TRPM2: variants seen among roughly 807,000 people sequenced by gnomAD.
TRPM2 encodes transient receptor potential cation channel subfamily M member 2.
In TRPM2, 161 loss-of-function variants were observed where a neutral mutation model predicts 174.0. The observed-to-expected ratio is 0.93, with a 90% confidence interval of 0.81 to 1.05. TRPM2 has a LOEUF of 1.05. Among genes scored for constraint, TRPM2 ranks in the 50% least tolerant of loss-of-function variants. The probability of loss-of-function intolerance (pLI) is 0.00; values close to 1 mark genes in which losing one functional copy is unlikely to be tolerated. For synonymous variants in TRPM2, 954 were observed against 861.3 expected (o/e 1.11, Z -1.88); for missense variants, 2,057 against 2,038.0 (o/e 1.01, Z -0.18).
At position 44,391,669 on chromosome 21, in the gene TRPM2, G is replaced by T. The variant is rs758745113; in HGVS notation, c.1794+44G>T. On this transcript the variant is annotated intron_variant, in intron 11 of 31. Coordinates refer to ENST00000397928, the MANE Select transcript of TRPM2 (RefSeq NM_003307.4). The surrounding 1 kb of genome is among the most constrained non-coding windows in gnomAD (Gnocchi z 5.0). ...GCCCATCCTGGACTCGTCTTCGCGG[G>T]CTACTGCTATGTTCTTAGAGCTCTC... is the stretch of plus-strand genomic sequence containing the variant. The T allele has an allele frequency of 6.8e-7, 1 of 1,476,942 alleles. No homozygotes were observed. Among genetic ancestry groups the T allele is most frequent in the Admixed American group, 2.2e-5 (1 of 46,164 alleles). 91.5% of individuals were successfully genotyped at this position (1,476,942 alleles called of 1,614,324 possible).
intron 23 of TRPM2, 146 bp from the exon 24 acceptor site, chr21:44,424,706 C>G (rs889460664): frequency 5.7e-6 from 3 of 527,772 alleles, no homozygotes; most frequent in Non-Finnish European, 6.5e-6. Flanking sequence ...CTGGGGAGGA[C>G]GTGGTGTCTC....
chr21:44,407,014 C>T (rs1047467829), intron 19 of TRPM2, among the ~76,000 whole-genome samples: 42 of 149,784 alleles, frequency 2.8e-4, no homozygotes, highest in African/African-American at 1.0e-3. Context: ...TCAGAGTGGG[C>T]CGAGGGCACC....
At chr21:44,380,104 G>T (rs967714375) in intron 8 of TRPM2, among the ~76,000 whole-genome samples, 1 of 152,208 alleles carries the variant, frequency 6.6e-6, no homozygotes, top group Non-Finnish European at 1.5e-5. Flanking sequence ...AGGAACCACG[G>T]GTGTCGGAAG....
In TRPM2 at chr21:44,399,490, A is replaced by G; in HGVS notation, c.2208+49A>G. On this transcript the variant is annotated intron_variant, in intron 14 of 31. Coordinates refer to ENST00000397928, the MANE Select transcript of TRPM2 (RefSeq NM_003307.4). This position sits in a 1 kb window ranked among gnomAD's most constrained non-coding sequence, Gnocchi z 4.6. ...AGAAACAGACGCCTGTGGTGCCTGCAGGGCGGACACAGCCTCCTGTTCGTG... is the reference window on the plus strand; with the variant it reads ...AGAAACAGACGCCTGTGGTGCCTGCGGGGCGGACACAGCCTCCTGTTCGTG... The G allele has an allele frequency of 6.3e-7, 1 of 1,576,232 alleles. No homozygotes were observed. Among genetic ancestry groups the G allele is most frequent in the Non-Finnish European group, 8.6e-7 (1 of 1,160,370 alleles).
intron 13 of TRPM2, among the ~76,000 whole-genome samples, chr21:44,398,430 A>T (rs1176850111): frequency 6.6e-6 from 1 of 151,942 alleles, no homozygotes; most frequent in Non-Finnish European, 1.5e-5. Flanking sequence ...CAAACTCCTA[A>T]CCTCAGATGA....
In TRPM2 at chr21:44,418,536, A is replaced by G; in HGVS notation, c.3442A>G (p.Ile1148Val). Residue 1148 changes from isoleucine to valine, a missense_variant, in exon 22 of 32, where the codon ATC becomes GTC. Physicochemically the swap from Ile to Val is conservative, Grantham distance 29 (BLOSUM62 3). Transcript: ENST00000397928. ...GCAAAAGCAGCGGCCCGAGCAGAAG[A>G]TCGAGGACATCAGCAATAAGTATGG... ...FQQKQRPEQKIEDISNKVDAM... is the reference protein window; with the variant it reads ...FQQKQRPEQKVEDISNKVDAM... 6.2e-7 allele frequency: 1 copy of G among 1,614,078 alleles called. No homozygotes were observed. The highest frequency in any genetic ancestry group is 1.1e-5 in the South Asian group (1 of 91,088).
chr21:44,378,548 T>C (rs1007899885), intron 7 of TRPM2, among the ~76,000 whole-genome samples: 3 of 152,176 alleles, frequency 2.0e-5, no homozygotes, highest in Admixed American at 2.0e-4. Flanking sequence ...CCCAGGCCGA[T>C]GCTCATGCAC....
chr21:44,395,502 G>A lies in TRPM2; in HGVS notation c.1883G>A (p.Trp628Ter), dbSNP rs781312071. The A allele has an allele frequency of 6.2e-7, 1 of 1,613,098 alleles. No homozygotes were observed. Among genetic ancestry groups the A allele is most frequent in the Admixed American group, 1.7e-5 (1 of 60,008 alleles). Residue 628 changes from tryptophan (W) to a stop codon, truncating the protein, a stop_gained, in exon 12 of 32, where the codon TGG (tryptophan) becomes TAG (stop). Coordinates refer to ENST00000397928, the MANE Select transcript of TRPM2 (RefSeq NM_003307.4). LOFTEE classifies it high-confidence loss of function. ...TMDPIRDLLI[W>*]AIVQNRRELA... ...GACCCCATCCGTGACCTTCTCATTT[G>A]GGCCATTGTCCAGAACCGTCGGGAG...
In TRPM2 at chr21:44,435,137, C is replaced by A. The variant is rs1315932054; in HGVS notation, c.3981C>A (p.Pro1327=). The part of the protein sequence containing the change: ...YTVQAGLPLN[P]MGRTGLRGRG... ...CAACCCCTCTGCATCCCAGGAACCC[C>A]ATGGGCCGCACAGGACTGCGTGGGC... is the stretch of plus-strand genomic sequence containing the variant. The change falls in exon 28 of 32, where the codon CCC becomes CCA. Residue 1327 remains proline (P), a synonymous_variant. Transcript: ENST00000397928. The A allele has an allele frequency of 1.2e-6, 2 of 1,612,830 alleles. No individual in the cohort carries two copies. Among genetic ancestry groups the A allele is most frequent in the Middle Eastern group, 1.7e-4 (1 of 6,054 alleles).
intron 28 of TRPM2, among the ~76,000 whole-genome samples, chr21:44,436,456 C>G (rs902802050): frequency 1.3e-5 from 2 of 152,014 alleles, no homozygotes; most frequent in African/African-American, 4.8e-5. Context: ...GTCCTTTGGC[C>G]TCTCCTTGGC....
intron 22 of TRPM2, 85 bp from the exon 23 acceptor site, chr21:44,423,560 C>G: frequency 1.7e-6 from 2 of 1,156,240 alleles, no homozygotes; most frequent in Non-Finnish European, 2.5e-6. Context: ...GTGGCTGCAT[C>G]TGGCAGGGCT....
intron 28 of TRPM2, among the ~76,000 whole-genome samples, chr21:44,436,083 A>G (rs112068818): frequency 6.7e-6 from 1 of 150,168 alleles, no homozygotes; most frequent in African/African-American, 2.5e-5. Flanking sequence ...CTCCACACCC[A>G]TTCACACACA....
rs113517239 is a variant in TRPM2 at position 44,437,202 on chromosome 21, G to T, written c.4167+35G>T. On this transcript the variant is annotated intron_variant, in intron 29 of 31. Transcript: ENST00000397928. Reference sequence around the variant, plus strand: ...CCGCGTGTGGGACCTCTGTCCACTGGGCTGTCTGTGGGTCACTCGTCCATT... The same window carrying T: ...CCGCGTGTGGGACCTCTGTCCACTGTGCTGTCTGTGGGTCACTCGTCCATT... 2.1e-3 allele frequency: 3,242 copies of T among 1,521,174 alleles called. 68 individuals carry two copies. In the African/African-American group the frequency reaches 0.039, roughly 18 times the overall value. 94.2% of individuals were successfully genotyped at this position (1,521,174 alleles called of 1,614,324 possible). A position where few individuals can be genotyped will look rare whatever the true frequency, so the allele number is the denominator to read the frequency against.
intron 27 of TRPM2, 49 bp from the exon 28 acceptor site, chr21:44,435,082 G>A: frequency 4.4e-6 from 7 of 1,577,090 alleles, no homozygotes; most frequent in Non-Finnish European, 6.1e-6. Context: ...GCCCTGTCCT[G>A]CTCCCCCATT....
At chr21:44,371,077 G>A (rs897789976) in intron 5 of TRPM2, among the ~76,000 whole-genome samples, 13 of 152,214 alleles carry the variant, frequency 8.5e-5, no homozygotes, top group African/African-American at 2.9e-4. Flanking sequence ...TGGAATCCGC[G>A]TCGATTGGCC....
chr21:44,427,166 G>C, intron 27 of TRPM2, 55 bp downstream of exon 27: 1 of 1,438,040 alleles, frequency 7.0e-7, no homozygotes, highest in South Asian at 1.3e-5. Context: ...TTGCCTGGGG[G>C]GCAGGTTTCC....
chr21:44,379,937 C>G (rs930370589), intron 8 of TRPM2, among the ~76,000 whole-genome samples: 8 of 152,228 alleles, frequency 5.3e-5, no homozygotes, highest in African/African-American at 1.4e-4. Flanking sequence ...TTCCTGCAGA[C>G]CCGGGACATC....
Position 44,366,948 on chromosome 21 carries a change from T to A in TRPM2, c.604+14T>A. The A allele has an allele frequency of 6.4e-7, 1 of 1,563,114 alleles. No homozygotes were observed. Among genetic ancestry groups the A allele is most frequent in the Non-Finnish European group, 8.7e-7 (1 of 1,150,584 alleles). Reference sequence around the variant, plus strand: ...CTCAGACCACAGGTAACTCGGAGGCTGGAGGGACACGAGGCCCCGGCGGGT... The same window carrying A: ...CTCAGACCACAGGTAACTCGGAGGCAGGAGGGACACGAGGCCCCGGCGGGT... On this transcript the variant is annotated intron_variant, in intron 4 of 31. Transcript: ENST00000397928. This position sits in a 1 kb window ranked among gnomAD's most constrained non-coding sequence, Gnocchi z 6.0.
rs565923517 is a variant in TRPM2, at chr21:44,354,141, G to A, written c.165+276G>A. 6.6e-6 allele frequency among the ~76,000 whole-genome samples: 1 copy of A among 152,202 alleles called. No individual in the cohort carries two copies. Among genetic ancestry groups the A allele is most frequent in the African/African-American group, 2.4e-5 (1 of 41,428 alleles). On this transcript the variant is annotated intron_variant, in intron 1 of 31. Coordinates refer to ENST00000397928, the MANE Select transcript of TRPM2 (RefSeq NM_003307.4). This position sits in a 1 kb window ranked among gnomAD's most constrained non-coding sequence, Gnocchi z 4.3. ...CTAGAGTCCTGGAAATCTGTTACCC[G>A]TGCTTACCTTGTTGCATAATGATTT...
Sources: allele counts gnomAD v4.1 joint callset (sites outside exome capture counted in the v4.1 genomes callset), GRCh38; gene constraint gnomAD v4.1.1; non-coding constraint Gnocchi (gnomAD v3.1); transcripts MANE v1.5; gene names NCBI Gene and HGNC (gene_info 2026-07-23, HGNC 2026-07-21).